Variants in SLC37A1 observed in about 807,000 individuals in gnomAD.
SLC37A1 encodes glucose-6-phosphate exchanger SLC37A1.
A neutral mutation model predicts 75.3 loss-of-function variants in SLC37A1; 49 were observed. That is an observed-to-expected ratio of 0.65 (90% CI 0.52 to 0.83). The LOEUF (loss-of-function observed/expected upper bound fraction) is 0.83. Ranked by LOEUF, SLC37A1 falls within the 40% of genes least tolerant of loss-of-function variation. The pLI is 0.00. For synonymous variants in SLC37A1, 268 were observed against 292.1 expected, an observed-to-expected ratio of 0.92 and a Z score of 0.84; for missense variants, 566 against 695.0, an observed-to-expected ratio of 0.81 and a Z score of 2.09.
chr21:42,546,520 G>A (rs900749904), intron 8 of SLC37A1, among the ~76,000 whole-genome samples: 12 of 152,304 alleles, frequency 7.9e-5, no homozygotes, highest in East Asian at 7.7e-4. Flanking sequence ...TCCACACAGC[G>A]TCCGCATGCT....
At chr21:42,580,025 C>G (rs983025409) in intron 19 of SLC37A1, among the ~76,000 whole-genome samples, 5 of 152,184 alleles carry the variant, frequency 3.3e-5, no homozygotes, top group African/African-American at 1.2e-4. Flanking sequence ...GAGGGAATTG[C>G]CGTCTTTGGC....
chr21:42,519,877 C>T (rs1357227219), intron 2 of SLC37A1, among the ~76,000 whole-genome samples: 1 of 152,190 alleles, frequency 6.6e-6, no homozygotes, highest in Non-Finnish European at 1.5e-5. Flanking sequence ...TTACTAACAT[C>T]TGTAAGAATG....
intron 2 of SLC37A1, among the ~76,000 whole-genome samples, chr21:42,519,306 C>T (rs1187095301): frequency 6.6e-6 from 1 of 152,158 alleles, no homozygotes; most frequent in Non-Finnish European, 1.5e-5. Flanking sequence ...GAGAAAGGTA[C>T]CTGTGGGCAA....
intron 8 of SLC37A1, 101 bp downstream of exon 8, chr21:42,543,703 G>T: frequency 8.3e-7 from 1 of 1,209,922 alleles, no homozygotes. Context: ...GTGGCCTAGC[G>T]CCCTGTTTGC....
intron 11 of SLC37A1, 78 bp downstream of exon 11, chr21:42,559,167 A>G: frequency 6.5e-7 from 1 of 1,528,264 alleles, no homozygotes; most frequent in Non-Finnish European, 8.8e-7. Context: ...TTGATGATTA[A>G]GCTTAAAAAG....
Position 42,548,365 on chromosome 21 carries a change from C to T in SLC37A1, c.768+1225C>T, listed in dbSNP as rs890608701. On this transcript the variant is annotated intron_variant, in intron 9 of 19. Transcript: ENST00000352133. The surrounding 1 kb of genome is among the most constrained non-coding windows in gnomAD (Gnocchi z 5.6). ...ACTGGAGGAGATCTCTTGATTTTACCCCTGCACAAGCCGATCCCCCAGCAT... is the reference window on the plus strand; with the variant it reads ...ACTGGAGGAGATCTCTTGATTTTACTCCTGCACAAGCCGATCCCCCAGCAT... Among the ~76,000 whole-genome samples the T allele has an allele frequency of 1.3e-5, 2 of 152,014 alleles. No individual in the cohort carries two copies. Among genetic ancestry groups the T allele is most frequent in the Admixed American group, 6.6e-5 (1 of 15,266 alleles).
intron 2 of SLC37A1, 28 bp downstream of exon 2, chr21:42,518,538 C>T: frequency 6.2e-7 from 1 of 1,613,712 alleles, no homozygotes; most frequent in Non-Finnish European, 8.5e-7. Flanking sequence ...AGGCCCTTGG[C>T]ATGGAGCTGT....
At chr21:42,561,707 C>A (rs1163726420) in intron 11 of SLC37A1, 5 of 211,368 alleles carry the variant, frequency 2.4e-5, no homozygotes, top group African/African-American at 6.8e-5. Flanking sequence ...TCCTGAACTC[C>A]ATTTCGAAAT....
chr21:42,542,678 G>A (rs535543714), intron 7 of SLC37A1, among the ~76,000 whole-genome samples, 198 bp downstream of exon 7: 1 of 152,394 alleles, frequency 6.6e-6, no homozygotes, highest in Admixed American at 6.5e-5. Flanking sequence ...CTCCCACTGT[G>A]GGCCTGGTGA....
intron 2 of SLC37A1, among the ~76,000 whole-genome samples, 200 bp downstream of exon 2, chr21:42,518,710 G>C (rs949932925): frequency 6.6e-6 from 1 of 152,166 alleles, no homozygotes; most frequent in Non-Finnish European, 1.5e-5. Flanking sequence ...CCTTGGTACT[G>C]GCATTGTCAG....
chr21:42,572,695 T>G (rs367959), intron 17 of SLC37A1, among the ~76,000 whole-genome samples: 3 of 132,330 alleles, frequency 2.3e-5, no homozygotes, highest in South Asian at 2.5e-4. Context: ...AAAAAAAGAG[T>G]GTGTCCTGAG....
chr21:42,570,830 AC>A (rs1372963172), intron 17 of SLC37A1, among the ~76,000 whole-genome samples: 1 of 152,210 alleles, frequency 6.6e-6, no homozygotes, highest in East Asian at 1.9e-4. Flanking sequence ...ACTGCCCACC[AC>A]TGCCCCCAAG....
At chr21:42,577,272 G>C (rs886250439) in intron 18 of SLC37A1, among the ~76,000 whole-genome samples, 12 of 152,218 alleles carry the variant, frequency 7.9e-5, no homozygotes, top group African/African-American at 2.9e-4. Context: ...TAAAATAGGG[G>C]CCAGCTAACT....
intron 14 of SLC37A1, among the ~76,000 whole-genome samples, chr21:42,565,015 C>T (rs915875): frequency 0.72 from 110,296 of 152,292 alleles, 40,821 homozygotes; most frequent in Admixed American, 0.79. Context: ...TAGCATGGGC[C>T]GCGCGCAAGC....
rs369597072 is a variant in SLC37A1 at position 42,538,129 on chromosome 21, C to T, written c.351-1383C>T. 3.3e-5 allele frequency among the ~76,000 whole-genome samples: 5 copies of T among 152,346 alleles called. No homozygotes were observed. The East Asian group carries it at 9.6e-4, about 29-fold the overall frequency. On this transcript the variant is annotated intron_variant, in intron 5 of 19. Transcript: ENST00000352133. ...AGAGAATACTTCTAAGCCTAGCCAG[C>T]AGCACCCAGCTCTCAGGAGCCCATC...
In SLC37A1 at chr21:42,547,242, G is replaced by A; in HGVS notation, c.768+102G>A. ...GCGGTGTCAGACAGAAACACACAGG[G>A]TAGACAGAAGTCCCACCCTCAAAAC... On this transcript the variant is annotated intron_variant, in intron 9 of 19. Coordinates refer to ENST00000352133, the MANE Select transcript of SLC37A1 (RefSeq NM_001320537.2). This position sits in a 1 kb window ranked among gnomAD's most constrained non-coding sequence, Gnocchi z 6.1. The A allele has an allele frequency of 8.0e-7, 1 of 1,253,568 alleles. No homozygotes were observed. Among genetic ancestry groups the A allele is most frequent in the South Asian group, 1.2e-5 (1 of 81,526 alleles). 77.7% of individuals were successfully genotyped at this position (1,253,568 alleles called of 1,614,324 possible). A position where few individuals can be genotyped will look rare whatever the true frequency, so the allele number is the denominator to read the frequency against.
intron 6 of SLC37A1, among the ~76,000 whole-genome samples, chr21:42,539,955 T>A (rs1482577177): frequency 6.6e-6 from 1 of 152,182 alleles, no homozygotes; most frequent in African/African-American, 2.4e-5. Flanking sequence ...AAGTTTGAAA[T>A]GTTTTATCTT....
At chr21:42,551,022 G>T (rs888706966) in intron 9 of SLC37A1, among the ~76,000 whole-genome samples, 1 of 152,224 alleles carries the variant, frequency 6.6e-6, no homozygotes, top group East Asian at 1.9e-4. Flanking sequence ...AAGACTAGGA[G>T]GCCTGCTCTT....
chr21:42,542,279 A>G, intron 6 of SLC37A1, 125 bp from the exon 7 acceptor site: 1 of 629,858 alleles, frequency 1.6e-6, no homozygotes. Context: ...TATAAAATTG[A>G]CAGTCCATCT....
Sources: gnomAD v4.1 joint callset for allele counts (sites outside exome capture counted in the v4.1 genomes callset) on GRCh38, gnomAD v4.1.1 for gene constraint, Gnocchi (gnomAD v3.1) non-coding constraint, MANE v1.5 for transcripts, NCBI Gene and HGNC (gene_info 2026-07-23, HGNC 2026-07-21) for gene names.